The following R3HDM1 variants were observed in gnomAD, a reference collection of about 807,000 sequenced individuals.
The protein encoded by R3HDM1 is R3H domain containing 1, also known as R3H domain-containing protein 1.
In R3HDM1, 46 loss-of-function variants were observed where a neutral mutation model predicts 141.1. That is an observed-to-expected ratio of 0.33 (90% CI 0.26 to 0.42). R3HDM1 has a LOEUF of 0.42. Ranked by LOEUF, R3HDM1 falls within the 10% of genes least tolerant of loss-of-function variation. R3HDM1 has a pLI of 1.00. For missense variants in R3HDM1, 1,184 were observed against 1,368.3 expected (o/e 0.87, Z 2.12); for synonymous variants, 435 against 472.9 (o/e 0.92, Z 1.04).
At chr2:135,625,684 C>T (rs1354504389) in intron 7 of R3HDM1, among the ~76,000 whole-genome samples, 2 of 151,962 alleles carry the variant, frequency 1.3e-5, no homozygotes, top group African/African-American at 2.4e-5. Context: ...GGACTTCAGC[C>T]CCTGCTCCCA....
chr2:135,588,290 C>A (rs541726763), intron 1 of R3HDM1, among the ~76,000 whole-genome samples: 61 of 151,992 alleles, frequency 4.0e-4, no homozygotes, highest in Non-Finnish European at 6.5e-4. Flanking sequence ...TTTGCTCTTT[C>A]TCTCTACCTT....
At chr2:135,695,014 G>A (rs907934297) in intron 21 of R3HDM1, among the ~76,000 whole-genome samples, 2 of 152,202 alleles carry the variant, frequency 1.3e-5, no homozygotes, top group African/African-American at 4.8e-5. Flanking sequence ...ATTGGTCCTA[G>A]ATTAAAGGCT....
intron 1 of R3HDM1, among the ~76,000 whole-genome samples, chr2:135,565,120 A>G (rs1033105079): frequency 6.6e-6 from 1 of 151,886 alleles, no homozygotes; most frequent in Non-Finnish European, 1.5e-5. Context: ...GTATGCTGTA[A>G]TTTTTTCTTT....
At chr2:135,559,189 G>T (rs1559121360) in intron 1 of R3HDM1, 5 of 346,432 alleles carry the variant, frequency 1.4e-5, no homozygotes, top group Admixed American at 1.3e-4. Flanking sequence ...ACGACTCACT[G>T]CAGTCTCGAC....
At chr2:135,710,898 T>G (rs1185183440) in intron 23 of R3HDM1, among the ~76,000 whole-genome samples, 2 of 152,158 alleles carry the variant, frequency 1.3e-5, no homozygotes, top group East Asian at 3.8e-4. Context: ...ATTAGAAAAT[T>G]GCCAGAAAAT....
In R3HDM1 at chr2:135,631,956, A is replaced by G; in HGVS notation, c.653A>G (p.Gln218Arg). 6.2e-7 allele frequency: 1 copy of G among 1,612,274 alleles called. No individual in the cohort carries two copies. The highest frequency in any genetic ancestry group is 8.5e-7 in the Non-Finnish European group (1 of 1,178,750). The change falls in exon 9 of 27, where the codon CAG becomes CGG. Residue 218 changes from glutamine to arginine, a missense_variant. Transcript: ENST00000683871. ...AYFGLDHNVD[Q>R]SGKSVIVNKT... Reference sequence around the variant, plus strand: ...TTTGGATTAGACCACAATGTTGATCAGAGTGGGAAGTCTGTCATAGTAAAC... The same window carrying G: ...TTTGGATTAGACCACAATGTTGATCGGAGTGGGAAGTCTGTCATAGTAAAC...
intron 1 of R3HDM1, among the ~76,000 whole-genome samples, chr2:135,594,981 C>CA (rs1207756312): frequency 6.6e-6 from 1 of 151,442 alleles, no homozygotes; most frequent in Non-Finnish European, 1.5e-5. Flanking sequence ...TTCTACACCC[C>CA]CCCCCCTTTT....
chr2:135,651,298 G>T, intron 17 of R3HDM1: 1 of 984,726 alleles, frequency 1.0e-6, no homozygotes, highest in Non-Finnish European at 1.2e-6. Context: ...TGCCTTCTAG[G>T]AAGAGGGGAG....
In R3HDM1 at chr2:135,699,045, A is replaced by AGATAGATAGATAGATT. The variant is rs202144929; in HGVS notation, c.2460-10388_2460-10387insGATAGATAGATAGATT. Among the ~76,000 whole-genome samples, 757 of 129,886 alleles carry AGATAGATAGATAGATT rather than the reference A, an allele frequency of 5.8e-3. 25 individuals are homozygous for AGATAGATAGATAGATT. The highest frequency in any genetic ancestry group is 7.6e-3 in the Middle Eastern group (2 of 264). The allele number at this position is 129,886 out of a possible 152,430, so 85.2% of individuals were successfully genotyped here. ...TAGATAGATAGATAGATAGATAGAT[A>AGATAGATAGATAGATT]AGATAGATAAGATAGATTGATTAGA... is the stretch of plus-strand genomic sequence containing the variant. On this transcript the variant is annotated intron_variant, in intron 21 of 26. Coordinates refer to ENST00000683871, the MANE Select transcript of R3HDM1 (RefSeq NM_001378107.1).
rs1553642559 is a variant in R3HDM1, at chr2:135,722,091, G to C, written c.2964+85G>C. The C allele has an allele frequency of 2.3e-6, 3 of 1,308,980 alleles. No homozygotes were observed. The South Asian group carries it at 3.7e-5, about 16-fold the overall frequency. 81.1% of individuals were successfully genotyped at this position (1,308,980 alleles called of 1,614,324 possible). On this transcript the variant is annotated intron_variant, in intron 25 of 26. Coordinates refer to ENST00000683871, the MANE Select transcript of R3HDM1 (RefSeq NM_001378107.1). ...GTAAGGGGCAACCCTGAGCCCACCTGTTGGCACTGCCCAAGAAGAGCTCTG... is the reference window on the plus strand; with the variant it reads ...GTAAGGGGCAACCCTGAGCCCACCTCTTGGCACTGCCCAAGAAGAGCTCTG...
intron 11 of R3HDM1, among the ~76,000 whole-genome samples, chr2:135,637,729 A>T (rs946476336): frequency 1.3e-5 from 2 of 152,278 alleles, no homozygotes; most frequent in East Asian, 3.9e-4. Flanking sequence ...CAGAAATGAG[A>T]TGACTTGGTC....
At chr2:135,560,438 C>T (rs1180824145) in intron 1 of R3HDM1, among the ~76,000 whole-genome samples, 4 of 152,214 alleles carry the variant, frequency 2.6e-5, no homozygotes, top group South Asian at 2.1e-4. Flanking sequence ...CTCAGCCTCG[C>T]GAGTAGCTGG....
intron 21 of R3HDM1, among the ~76,000 whole-genome samples, chr2:135,687,845 C>T (rs1314307796): frequency 1.3e-5 from 2 of 152,082 alleles, no homozygotes; most frequent in Non-Finnish European, 2.9e-5. Flanking sequence ...TACATTTTTA[C>T]AAGAACACTC....
At chr2:135,590,142 A>G (rs1302183000) in intron 1 of R3HDM1, among the ~76,000 whole-genome samples, 5 of 152,190 alleles carry the variant, frequency 3.3e-5, no homozygotes, top group East Asian at 1.9e-4. Context: ...TCATTGCTCA[A>G]TATGCTTTGT....
At chr2:135,584,054 A>G (rs1707346840) in intron 1 of R3HDM1, 4 of 985,296 alleles carry the variant, frequency 4.1e-6, no homozygotes, top group Non-Finnish European at 4.8e-6. Context: ...TCAGCTGGGC[A>G]TGGTGGCTCA....
intron 5 of R3HDM1, chr2:135,620,318 A>G (rs559209734): frequency 1.1e-6 from 1 of 893,814 alleles, no homozygotes; most frequent in Non-Finnish European, 1.3e-6. Flanking sequence ...ATTTCTAGAT[A>G]CCTGTTTTAC....
chr2:135,657,124 T>A (rs1034611635), intron 18 of R3HDM1, among the ~76,000 whole-genome samples: 1 of 146,638 alleles, frequency 6.8e-6, no homozygotes, highest in African/African-American at 2.5e-5. Flanking sequence ...AGATATTGGC[T>A]AGGCACAGTG....
chr2:135,639,271 T>A, intron 14 of R3HDM1, 149 bp downstream of exon 14: 2 of 673,096 alleles, frequency 3.0e-6, no homozygotes, highest in Non-Finnish European at 5.0e-6. Flanking sequence ...ACTTAAGGGG[T>A]AATATGTTTC....
intron 1 of R3HDM1, chr2:135,577,186 C>T (rs1391271205): frequency 4.1e-6 from 4 of 983,304 alleles, no homozygotes; most frequent in Admixed American, 6.2e-5. Context: ...AATGCAGAGA[C>T]AACCAAAGAT....
Sources: gnomAD v4.1 joint callset for allele counts (sites outside exome capture counted in the v4.1 genomes callset) on GRCh38, gnomAD v4.1.1 for gene constraint, MANE v1.5 for transcripts, NCBI Gene and HGNC (gene_info 2026-07-23, HGNC 2026-07-21) for gene names.